The following MFHAS1 variants were observed in gnomAD, a reference collection of about 807,000 sequenced individuals.
MFHAS1 encodes multifunctional ROCO family signaling regulator 1.
In MFHAS1, 50 loss-of-function variants were observed where a neutral mutation model predicts 70.4. The observed-to-expected ratio is 0.71, with a 90% CI of 0.57 to 0.90. The LOEUF (loss-of-function observed/expected upper bound fraction) is 0.90, where lower values mean the gene tolerates loss of function less well. MFHAS1 is among the 40% of genes least tolerant of loss of function. The pLI, the probability that MFHAS1 is intolerant of heterozygous loss-of-function variation, is 0.00. For synonymous variants in MFHAS1, 952 were observed against 620.0 expected (o/e 1.54, Z -7.96); for missense variants, 1,795 against 1,347.6 (o/e 1.33, Z -5.20).
chr8:8,829,596 G>A (rs527601467), intron 1 of MFHAS1, among the ~76,000 whole-genome samples: 2 of 152,274 alleles, frequency 1.3e-5, no homozygotes, highest in African/African-American at 4.8e-5. Flanking sequence ...CAGGAGAATC[G>A]CTTGAACCCA....
chr8:8,799,120 A>G (rs7838012), intron 1 of MFHAS1, among the ~76,000 whole-genome samples: 52,702 of 151,734 alleles, frequency 0.35, 10,454 homozygotes, highest in African/African-American at 0.54. Flanking sequence ...CTTATCCCTC[A>G]GACATGCGTT....
intron 1 of MFHAS1, among the ~76,000 whole-genome samples, chr8:8,852,292 G>A (rs1295490508): frequency 1.3e-5 from 2 of 152,154 alleles, no homozygotes; most frequent in Admixed American, 6.5e-5. Context: ...TGTGCAACAT[G>A]GTGAAACCTC....
chr8:8,893,191 G>C lies in MFHAS1; in HGVS notation c.-133C>G. On this transcript the variant is annotated 5_prime_UTR_variant, in exon 1 of 3. Coordinates refer to ENST00000276282, the MANE Select transcript of MFHAS1 (RefSeq NM_004225.3). The stretch of plus-strand genomic sequence containing the variant: ...CGGCGGCCGGCGGCCGCGGGTCCTA[G>C]CGCAGCCAGCGGCCGAGCGCTGGCG... 2 of 387,528 alleles carry C rather than the reference G, an allele frequency of 5.2e-6. No homozygotes were observed. Among genetic ancestry groups the C allele is most frequent in the Non-Finnish European group, 7.9e-6 (2 of 251,768 alleles). The allele number at this position is 387,528 out of a possible 1,614,324, so 24.0% of individuals were successfully genotyped here.
intron 1 of MFHAS1, among the ~76,000 whole-genome samples, chr8:8,842,485 G>C (rs757896228): frequency 6.6e-6 from 1 of 152,106 alleles, no homozygotes; most frequent in African/African-American, 2.4e-5. Flanking sequence ...CACCATGCCC[G>C]ACCCCACGTC....
intron 2 of MFHAS1, among the ~76,000 whole-genome samples, chr8:8,787,330 T>C (rs1805587170): frequency 6.6e-6 from 1 of 152,188 alleles, no homozygotes; most frequent in African/African-American, 2.4e-5. Flanking sequence ...TCCGCCCACC[T>C]TGGCCTCCCA....
chr8:8,801,113 G>A (rs1165526359), intron 1 of MFHAS1, among the ~76,000 whole-genome samples: 1 of 152,116 alleles, frequency 6.6e-6, no homozygotes, highest in African/African-American at 2.4e-5. Context: ...TATTCAGGAG[G>A]CTGAGGCAGC....
At chr8:8,838,032 ATG>A (rs772799782) in intron 1 of MFHAS1, among the ~76,000 whole-genome samples, 39 of 152,244 alleles carry the variant, frequency 2.6e-4, no homozygotes, top group Non-Finnish European at 4.4e-4. Context: ...AACAGCCTCT[ATG>A]TCTATCAGCT....
rs1172676497 is a variant in MFHAS1 at position 8,883,997 on chromosome 8, A to G, written c.2998+6064T>C. On this transcript the variant is annotated intron_variant, in intron 1 of 2. Transcript: ENST00000276282. ...AGGACCATTTGAGGCCAGGAGATCA[A>G]GACCAGCTTGGGCAACATAAAAAGG... is the stretch of plus-strand genomic sequence containing the variant. Among the ~76,000 whole-genome samples the G allele has an allele frequency of 2.7e-5, 4 of 150,730 alleles. No individual in the cohort carries two copies. In the East Asian group the frequency reaches 5.8e-4, roughly 22 times the overall value.
intron 1 of MFHAS1, among the ~76,000 whole-genome samples, chr8:8,868,742 A>C (rs1390231253): frequency 6.6e-6 from 1 of 152,200 alleles, no homozygotes; most frequent in Non-Finnish European, 1.5e-5. Flanking sequence ...TAACCTTAAC[A>C]TAGAAAGAAG....
intron 1 of MFHAS1, among the ~76,000 whole-genome samples, chr8:8,837,299 A>G (rs1436195898): frequency 6.6e-6 from 1 of 152,188 alleles, no homozygotes; most frequent in African/African-American, 2.4e-5. Flanking sequence ...GCAATGCAGC[A>G]AAGGAGTTGA....
chr8:8,862,444 T>C (rs767924383), intron 1 of MFHAS1, among the ~76,000 whole-genome samples: 4 of 151,924 alleles, frequency 2.6e-5, no homozygotes, highest in Non-Finnish European at 5.9e-5. Flanking sequence ...AGACTATAGA[T>C]TGTCTCTTCA....
intron 1 of MFHAS1, among the ~76,000 whole-genome samples, chr8:8,872,438 T>C (rs1254333490): frequency 6.6e-6 from 1 of 152,210 alleles, no homozygotes; most frequent in Non-Finnish European, 1.5e-5. Flanking sequence ...GCGGACCACC[T>C]GGGGCCGGAT....
intron 1 of MFHAS1, among the ~76,000 whole-genome samples, chr8:8,888,757 A>G (rs1048710855): frequency 6.6e-6 from 1 of 152,212 alleles, no homozygotes; most frequent in African/African-American, 2.4e-5. Context: ...ACTACTCTGT[A>G]TGATACTATA....
In MFHAS1 at chr8:8,796,688, C is replaced by CAAA. The variant is rs55756300; in HGVS notation, c.3125+674_3125+676dup. On this transcript the variant is annotated intron_variant, in intron 2 of 2. Coordinates refer to ENST00000276282, the MANE Select transcript of MFHAS1 (RefSeq NM_004225.3). Reference sequence around the variant, plus strand: ...GACAGAGCAAGACTCCGTCTCAAAACAAAAAAAAAAAAAAAGGCAAAAAAA... The same window carrying CAAA: ...GACAGAGCAAGACTCCGTCTCAAAACAAAAAAAAAAAAAAAAAAGGCAAAAAAA... 2.8e-4 allele frequency among the ~76,000 whole-genome samples: 7 copies of CAAA among 24,774 alleles called. 2 individuals carry two copies. Among genetic ancestry groups the CAAA allele is most frequent in the African/African-American group, 8.5e-4 (5 of 5,874 alleles). 16.3% of individuals were successfully genotyped at this position (24,774 alleles called of 152,430 possible). A position where few individuals can be genotyped will look rare whatever the true frequency, so the allele number is the denominator to read the frequency against.
At chr8:8,802,451 A>G (rs531630749) in intron 1 of MFHAS1, among the ~76,000 whole-genome samples, 12 of 152,328 alleles carry the variant, frequency 7.9e-5, no homozygotes, top group East Asian at 1.9e-4. Flanking sequence ...CTAAATACAC[A>G]AAGAGTTCAT....
chr8:8,814,894 ACAGGATGTGCAGG>A lies in MFHAS1; in HGVS notation c.2999-17416_2999-17404del, dbSNP rs1806682924. Among the ~76,000 whole-genome samples, 3 of 147,910 alleles carry A rather than the reference ACAGGATGTGCAGG, an allele frequency of 2.0e-5. No individual in the cohort carries two copies. In the Admixed American group the frequency reaches 2.0e-4, roughly 10 times the overall value. ...TTATTTTAGGTTCTGGGGTACATGT[ACAGGATGTGCAGG>A]TTTGTTACATGGGTAAACGTGTGCC... On this transcript the variant is annotated intron_variant, in intron 1 of 2. Transcript: ENST00000276282.
chr8:8,833,044 G>A (rs1401318113), intron 1 of MFHAS1, among the ~76,000 whole-genome samples: 5 of 152,114 alleles, frequency 3.3e-5, no homozygotes, highest in African/African-American at 4.8e-5. Flanking sequence ...AGAGGGCAAC[G>A]GGGGAGCAGG....
intron 1 of MFHAS1, among the ~76,000 whole-genome samples, chr8:8,860,396 G>C (rs1384188442): frequency 6.6e-6 from 1 of 152,180 alleles, no homozygotes; most frequent in Admixed American, 6.6e-5. Flanking sequence ...AAAAAGAGAA[G>C]GAGAAAATAC....
At chr8:8,843,749 G>A (rs1212772322) in intron 1 of MFHAS1, among the ~76,000 whole-genome samples, 1 of 152,146 alleles carries the variant, frequency 6.6e-6, no homozygotes, top group Non-Finnish European at 1.5e-5. Flanking sequence ...CCCTGCACCT[G>A]CTCCCATAAA....
Sources: allele counts gnomAD v4.1 joint callset (sites outside exome capture counted in the v4.1 genomes callset), GRCh38; gene constraint gnomAD v4.1.1; transcripts MANE v1.5; gene names NCBI Gene and HGNC (gene_info 2026-07-23, HGNC 2026-07-21).